Variants in ZNF536 observed in about 807,000 individuals in gnomAD.
ZNF536 encodes the protein zinc finger protein 536.
ZNF536 carries 13 observed loss-of-function variants against 84.5 expected under a neutral mutation model. The ratio of observed to expected loss-of-function variants is 0.15; its 90% CI spans 0.10 to 0.24. The LOEUF (loss-of-function observed/expected upper bound fraction) is 0.24. ZNF536 is among the 10% of genes least tolerant of loss of function. The pLI is 1.00. For synonymous variants in ZNF536, 811 were observed against 742.5 expected (o/e 1.09, Z -1.50); for missense variants, 1,536 against 1,747.5 (o/e 0.88, Z 2.16).
chr19:30,383,109 G>A (rs796222077), intron 1 of ZNF536, among the ~76,000 whole-genome samples: 10 of 152,266 alleles, frequency 6.6e-5, no homozygotes, highest in African/African-American at 2.2e-4. Context: ...GGTTAACATG[G>A]TGAAACCCAG....
rs1159379648 is a variant in ZNF536 at position 30,506,454 on chromosome 19, C to T, written c.2171-28393C>T. 6.6e-5 allele frequency among the ~76,000 whole-genome samples: 10 copies of T among 152,338 alleles called. No homozygotes were observed. In the East Asian group the frequency reaches 1.4e-3, roughly 21 times the overall value. ...TAACAAGCCCATCTCCACTCAGCTG[C>T]GCTGTTTGAATGATGCTGTTCCCCA... On this transcript the variant is annotated intron_variant, in intron 2 of 4. Coordinates refer to ENST00000355537, the MANE Select transcript of ZNF536 (RefSeq NM_014717.3).
intron 1 of ZNF536, among the ~76,000 whole-genome samples, chr19:30,662,599 A>G (rs1484637809): frequency 6.6e-6 from 1 of 152,004 alleles, no homozygotes; most frequent in Non-Finnish European, 1.5e-5. Context: ...TTCTGAATAC[A>G]TGAACTACGA....
At chr19:30,288,421 C>T (rs2045722909) in intron 2 of ZNF536, among the ~76,000 whole-genome samples, 1 of 152,100 alleles carries the variant, frequency 6.6e-6, no homozygotes, top group Non-Finnish European at 1.5e-5. Context: ...GAGTGGGGTT[C>T]CCAAGTTCTG....
chr19:30,445,573 C>T lies in ZNF536; in HGVS notation c.2011C>T (p.Arg671Trp), dbSNP rs1180623012. Reference protein sequence around the residue: ...EDGLHVGLDERRGSGSDQESQ... With the variant: ...EDGLHVGLDEWRGSGSDQESQ... ...TGGGCTGCACGTGGGCCTGGATGAG[C>T]GGCGTGGCTCGGGCAGTGACCAGGA... is the stretch of plus-strand genomic sequence containing the variant. Residue 671 changes from arginine (R) to tryptophan (W), a missense_variant, in exon 2 of 5, where the codon CGG (arginine) becomes TGG (tryptophan). Physicochemically the swap from Arg to Trp is moderately radical, Grantham distance 101 (BLOSUM62 -3). Around this residue, in one of 8 missense-constraint regions of ZNF536, gnomAD observed 366 missense variants for 364.4 expected, o/e 1.00. Coordinates refer to ENST00000355537, the MANE Select transcript of ZNF536 (RefSeq NM_014717.3). The surrounding 1 kb of genome is among the most constrained non-coding windows in gnomAD (Gnocchi z 4.5). The T allele has an allele frequency of 1.1e-5, 17 of 1,612,928 alleles. No individual in the cohort carries two copies. The highest frequency in any genetic ancestry group is 1.4e-5 in the Non-Finnish European group (16 of 1,179,680).
At chr19:30,430,847 T>C (rs1209588420) in intron 1 of ZNF536, among the ~76,000 whole-genome samples, 1 of 152,206 alleles carries the variant, frequency 6.6e-6, no homozygotes, top group Non-Finnish European at 1.5e-5. Flanking sequence ...GATAATTTTT[T>C]GTATTTTCAG....
intron 3 of ZNF536, among the ~76,000 whole-genome samples, chr19:30,545,988 G>A (rs540134372): frequency 6.6e-6 from 1 of 152,244 alleles, no homozygotes; most frequent in African/African-American, 2.4e-5. Context: ...CTCCCGCAGG[G>A]CTTGCTCTCA....
chr19:30,520,289 A>G (rs925692499), intron 2 of ZNF536, among the ~76,000 whole-genome samples: 10 of 152,206 alleles, frequency 6.6e-5, no homozygotes, highest in Admixed American at 5.9e-4. Flanking sequence ...GGGGTAGGGG[A>G]TGAGCCAGCC....
intron 1 of ZNF536, among the ~76,000 whole-genome samples, chr19:30,373,205 C>T (rs1600438509): frequency 6.6e-6 from 1 of 152,240 alleles, no homozygotes; most frequent in East Asian, 1.9e-4. Context: ...TCCCCCCGAC[C>T]TTTTTTTAAA....
chr19:30,626,433 C>T, intron 1 of ZNF536, among the ~76,000 whole-genome samples: 1 of 151,972 alleles, frequency 6.6e-6, no homozygotes, highest in East Asian at 1.9e-4. Flanking sequence ...TTTGTTCCAT[C>T]CATTGATTTT....
chr19:30,385,848 G>A (rs1327274511), intron 1 of ZNF536, among the ~76,000 whole-genome samples: 2 of 152,088 alleles, frequency 1.3e-5, no homozygotes, highest in African/African-American at 4.8e-5. Flanking sequence ...ATGCTGCTTT[G>A]GGTCCCCAGC....
chr19:30,273,421 T>G (rs1056193615), intron 1 of ZNF536, among the ~76,000 whole-genome samples: 4 of 152,216 alleles, frequency 2.6e-5, no homozygotes, highest in Non-Finnish European at 1.5e-5. Flanking sequence ...GTTTTGAATT[T>G]TAGCTGTTGT....
At chr19:30,241,193 T>G (rs1308700275) in intron 1 of ZNF536, among the ~76,000 whole-genome samples, 1 of 151,992 alleles carries the variant, frequency 6.6e-6, no homozygotes, top group Non-Finnish European at 1.5e-5. Context: ...TGGTGCATGC[T>G]TGTAGTCCAA....
At chr19:30,565,520 G>A (rs947481054) in intron 1 of ZNF536, among the ~76,000 whole-genome samples, 12 of 152,220 alleles carry the variant, frequency 7.9e-5, no homozygotes, top group African/African-American at 2.9e-4. Context: ...TTATGAATGA[G>A]GAAACTGAGG....
chr19:30,530,038 C>G (rs189617538), intron 2 of ZNF536, among the ~76,000 whole-genome samples: 3 of 152,288 alleles, frequency 2.0e-5, no homozygotes, highest in Non-Finnish European at 2.9e-5. Flanking sequence ...AGGGCCTCCC[C>G]GCCTGCAGCC....
intron 1 of ZNF536, among the ~76,000 whole-genome samples, chr19:30,435,670 C>A (rs1169593243): frequency 1.3e-5 from 2 of 152,106 alleles, no homozygotes. Context: ...ATAGTCTTAA[C>A]AACTACCCCA....
At chr19:30,615,815 T>A (rs2048274540) in intron 1 of ZNF536, among the ~76,000 whole-genome samples, 2 of 152,288 alleles carry the variant, frequency 1.3e-5, no homozygotes, top group Admixed American at 1.3e-4. Context: ...TAATTGTTCC[T>A]TATTTAGCCC....
intron 2 of ZNF536, among the ~76,000 whole-genome samples, chr19:30,302,752 C>T (rs2145952635): frequency 6.6e-6 from 1 of 152,150 alleles, no homozygotes; most frequent in East Asian, 1.9e-4. Flanking sequence ...AGAATGTCAG[C>T]CCCATCCCAA....
upstream of ZNF536, among the ~76,000 whole-genome samples, chr19:30,227,493 G>C (rs2022679742): frequency 2.6e-5 from 4 of 152,216 alleles, no homozygotes; most frequent in Non-Finnish European, 1.5e-5. Flanking sequence ...ATATTGTTAT[G>C]TCTAACGGGT....
chr19:30,361,705 G>C (rs2048279773), intron 3 of ZNF536, among the ~76,000 whole-genome samples: 2 of 152,034 alleles, frequency 1.3e-5, no homozygotes. Context: ...ACCTTCCAAA[G>C]AGTGGGGACC....
Sources: gnomAD v4.1 joint callset for allele counts (sites outside exome capture counted in the v4.1 genomes callset) on GRCh38, gnomAD v4.1.1 for gene constraint, gnomAD v4.1.1 regional missense constraint, Gnocchi (gnomAD v3.1) non-coding constraint, MANE v1.5 for transcripts, NCBI Gene and HGNC (gene_info 2026-07-23, HGNC 2026-07-21) for gene names.